SCARA3: variants seen among roughly 807,000 people sequenced by gnomAD.
SCARA3 encodes the protein cellular stress response gene protein.
SCARA3 carries 39 observed loss-of-function variants against 47.0 expected under a neutral mutation model. The observed-to-expected ratio is 0.83, with a 90% CI of 0.64 to 1.08. The LOEUF (loss-of-function observed/expected upper bound fraction) is 1.08. SCARA3 is among the 50% of genes least tolerant of loss of function. The pLI is 0.00. For synonymous variants in SCARA3, 356 were observed against 334.1 expected (o/e 1.07, Z -0.71); for missense variants, 724 against 792.3 (o/e 0.91, Z 1.04).
chr8:27,653,430 G>A (rs933380546), intron 3 of SCARA3, among the ~76,000 whole-genome samples: 2 of 152,178 alleles, frequency 1.3e-5, no homozygotes, highest in Non-Finnish European at 2.9e-5. Flanking sequence ...TGTGAACCAC[G>A]GGAGACCTTT....
At chr8:27,690,267 G>A in the SCARA3 span, among the ~76,000 whole-genome samples, 5 of 150,860 alleles carry the variant, frequency 3.3e-5, no homozygotes, top group African/African-American at 9.7e-5. Flanking sequence ...GCCCCACCTA[G>A]TCAGCACATG....
At chr8:27,640,633 G>T (rs985208843) in intron 1 of SCARA3, among the ~76,000 whole-genome samples, 3 of 151,980 alleles carry the variant, frequency 2.0e-5, no homozygotes, top group African/African-American at 7.3e-5. Flanking sequence ...TCCCTCCTCA[G>T]CCTCCCGATT....
chr8:27,658,350 G>T (rs146876778), intron 4 of SCARA3, 146 bp from the exon 5 acceptor site: 8 of 690,596 alleles, frequency 1.2e-5, no homozygotes, highest in Admixed American at 8.3e-5. Flanking sequence ...GCTTTTTCAA[G>T]AAGGAATTCA....
the SCARA3 span, among the ~76,000 whole-genome samples, chr8:27,685,776 G>A: frequency 0.32 from 48,626 of 151,998 alleles, 9,798 homozygotes; most frequent in Non-Finnish European, 0.45. Context: ...ATCACCCTAC[G>A]TGTAATCAAG....
chr8:27,732,733 A>G, the SCARA3 span, among the ~76,000 whole-genome samples: 3 of 152,210 alleles, frequency 2.0e-5, no homozygotes, highest in African/African-American at 7.2e-5. Context: ...GTTAAAACCA[A>G]TGGATGCAGG....
the SCARA3 span, among the ~76,000 whole-genome samples, chr8:27,717,123 C>CAG: frequency 6.6e-6 from 1 of 152,282 alleles, no homozygotes; most frequent in South Asian, 2.1e-4. Context: ...AGAAATGGGA[C>CAG]AGCTGGGTGT....
At chr8:27,649,674 G>A (rs769124749) in intron 1 of SCARA3, 28 bp from the exon 2 acceptor site, 1 of 1,606,798 alleles carries the variant, frequency 6.2e-7, no homozygotes, top group Admixed American at 1.7e-5. Context: ...GGATGGCTTT[G>A]GGTCTGACGG....
intron 5 of SCARA3, among the ~76,000 whole-genome samples, chr8:27,668,019 C>G (rs1001991619): frequency 6.6e-6 from 1 of 152,174 alleles, no homozygotes; most frequent in Non-Finnish European, 1.5e-5. Flanking sequence ...GGAGGGAACC[C>G]TTCTCCCTGC....
chr8:27,637,125 G>A (rs1801270287), intron 1 of SCARA3, among the ~76,000 whole-genome samples: 1 of 152,242 alleles, frequency 6.6e-6, no homozygotes, highest in South Asian at 2.1e-4. Context: ...AAACACGCTA[G>A]TCGGGCTGCC....
At chr8:27,656,003 T>TTG (rs1430845744) in intron 3 of SCARA3, among the ~76,000 whole-genome samples, 3 of 152,218 alleles carry the variant, frequency 2.0e-5, no homozygotes, top group Non-Finnish European at 2.9e-5. Flanking sequence ...ACATCATGGC[T>TTG]TGATGATCCC....
At chr8:27,640,750 G>A (rs895158944) in intron 1 of SCARA3, among the ~76,000 whole-genome samples, 5 of 151,996 alleles carry the variant, frequency 3.3e-5, no homozygotes, top group South Asian at 2.1e-4. Flanking sequence ...AAGCTGGAGG[G>A]TAGTGGCACT....
chr8:27,641,734 G>A (rs762325080), intron 1 of SCARA3, among the ~76,000 whole-genome samples: 63 of 152,292 alleles, frequency 4.1e-4, no homozygotes, highest in Middle Eastern at 6.8e-3. Flanking sequence ...TCAAGCAGAT[G>A]GAACAGCAAT....
At chr8:27,642,556 C>T (rs943141739) in intron 1 of SCARA3, among the ~76,000 whole-genome samples, 3 of 152,158 alleles carry the variant, frequency 2.0e-5, no homozygotes, top group Admixed American at 6.5e-5. Context: ...GGCATGGTGG[C>T]TCATGCCAGT....
chr8:27,656,756 C>A (rs1440467763), intron 3 of SCARA3, 26 bp from the exon 4 acceptor site: 2 of 1,419,970 alleles, frequency 1.4e-6, no homozygotes, highest in Admixed American at 1.7e-5. Context: ...GACCCTGCCC[C>A]AGCTTCTCAT....
the SCARA3 span, among the ~76,000 whole-genome samples, chr8:27,685,496 A>C: frequency 6.6e-6 from 1 of 152,208 alleles, no homozygotes; most frequent in Non-Finnish European, 1.5e-5. Flanking sequence ...AGAAAAGAAA[A>C]TACCTAAATA....
At chr8:27,633,782 G>C (rs1256772500), upstream of SCARA3, 3 of 151,878 alleles carry the variant, frequency 2.0e-5, no homozygotes, top group Non-Finnish European at 4.4e-5. Flanking sequence ...TCTGGGCCGG[G>C]GCCCAAGAAG....
the SCARA3 span, among the ~76,000 whole-genome samples, chr8:27,722,795 C>T: frequency 3.0e-3 from 464 of 152,290 alleles, 5 homozygotes; most frequent in African/African-American, 0.011. Context: ...CTGCTGCTTC[C>T]CCAGACTGTT....
At chr8:27,708,099 A>G in the SCARA3 span, among the ~76,000 whole-genome samples, 2 of 152,216 alleles carry the variant, frequency 1.3e-5, no homozygotes, top group Non-Finnish European at 2.9e-5. Flanking sequence ...GTTGCAACTC[A>G]GAGGCACAAT....
At position 27,649,709 on chromosome 8, in the gene SCARA3, G is replaced by A. The variant is rs113409989; in HGVS notation, c.15G>A (p.Ser5=). 130 of 1,614,060 alleles carry A rather than the reference G, an allele frequency of 8.1e-5. No homozygotes were observed. The highest frequency in any genetic ancestry group is 3.3e-4 in the Middle Eastern group (2 of 6,040). ...GCACTGGCTTCATTATAGTGAGGTC[G>A]GCCGGCGGCGATGGAGATGCCTTGT... MKVR[S]AGGDGDALCV... The change falls in exon 2 of 6, where the codon TCG becomes TCA. Residue 5 remains serine, a synonymous_variant. Transcript: ENST00000301904.
Sources: gnomAD v4.1 joint callset for allele counts (sites outside exome capture counted in the v4.1 genomes callset) on GRCh38, gnomAD v4.1.1 for gene constraint, MANE v1.5 for transcripts, NCBI Gene and HGNC (gene_info 2026-07-23, HGNC 2026-07-21) for gene names.